Variants in GLIS3 observed in about 807,000 individuals in gnomAD.
GLIS3 encodes zinc finger protein GLIS3.
A neutral mutation model predicts 78.6 loss-of-function variants in GLIS3; 53 were observed. The ratio of observed to expected loss-of-function variants is 0.67; its 90% CI spans 0.54 to 0.85. The LOEUF (loss-of-function observed/expected upper bound fraction) is 0.85. Among genes scored for constraint, GLIS3 ranks in the 40% least tolerant of loss-of-function variants. GLIS3 has a pLI of 0.00. For missense variants in GLIS3, 1,703 were observed against 1,231.1 expected, an observed-to-expected ratio of 1.38 and a Z score of -5.74; for synonymous variants, 684 against 509.9, an observed-to-expected ratio of 1.34 and a Z score of -4.60.
intron 2 of GLIS3, among the ~76,000 whole-genome samples, chr9:4,156,626 A>G (rs911931504): frequency 6.6e-6 from 1 of 152,220 alleles, no homozygotes; most frequent in Non-Finnish European, 1.5e-5. Context: ...GGAAGATAAA[A>G]TATCTTCTTC....
upstream of GLIS3, among the ~76,000 whole-genome samples, chr9:4,353,012 G>A (rs910269907): frequency 2.0e-5 from 3 of 152,092 alleles, no homozygotes; most frequent in Non-Finnish European, 4.4e-5. Context: ...TGGCTCATTG[G>A]TTTGGTTAGG....
intron 4 of GLIS3, among the ~76,000 whole-genome samples, chr9:3,938,994 T>C (rs528659771): frequency 2.6e-5 from 4 of 152,326 alleles, no homozygotes; most frequent in Non-Finnish European, 4.4e-5. Context: ...GAGCTCAGTT[T>C]ATTTGACTTG....
chr9:4,222,592 T>A (rs1821425024), intron 2 of GLIS3, among the ~76,000 whole-genome samples: 1 of 152,232 alleles, frequency 6.6e-6, no homozygotes, highest in Non-Finnish European at 1.5e-5. Context: ...AGTCACAGTG[T>A]CATTATCTAA....
At chr9:4,370,595 G>C in the GLIS3 span, among the ~76,000 whole-genome samples, 3 of 152,064 alleles carry the variant, frequency 2.0e-5, no homozygotes, top group African/African-American at 7.2e-5. Flanking sequence ...CGTGTGGAAG[G>C]ACAGAAGAAC....
At chr9:3,996,551 A>G (rs942799211) in intron 4 of GLIS3, among the ~76,000 whole-genome samples, 11 of 152,232 alleles carry the variant, frequency 7.2e-5, no homozygotes, top group Admixed American at 2.0e-4. Flanking sequence ...GGATGCAGCT[A>G]AAGCAGTTTT....
intron 2 of GLIS3, among the ~76,000 whole-genome samples, chr9:4,281,663 T>C (rs1455492991): frequency 6.6e-6 from 1 of 152,246 alleles, no homozygotes; most frequent in Non-Finnish European, 1.5e-5. Flanking sequence ...ATATACCACA[T>C]TGGGTTGTTT....
At chr9:4,216,997 G>A (rs1289898036) in intron 2 of GLIS3, among the ~76,000 whole-genome samples, 2 of 152,186 alleles carry the variant, frequency 1.3e-5, no homozygotes, top group African/African-American at 4.8e-5. Context: ...CACATTAAAG[G>A]GATTCAGCTG....
chr9:4,256,967 T>C (rs891089920), intron 2 of GLIS3, among the ~76,000 whole-genome samples: 8 of 152,194 alleles, frequency 5.3e-5, no homozygotes, highest in African/African-American at 1.9e-4. Context: ...AACAGATGAA[T>C]GGACAAAGAA....
chr9:3,896,922 C>T (rs1298807476), intron 7 of GLIS3, among the ~76,000 whole-genome samples: 2 of 151,836 alleles, frequency 1.3e-5, no homozygotes, highest in South Asian at 2.1e-4. Context: ...TTTTGAGGAC[C>T]GAATATAGAA....
At chr9:3,914,924 G>A (rs1473015080) in intron 6 of GLIS3, among the ~76,000 whole-genome samples, 3 of 152,050 alleles carry the variant, frequency 2.0e-5, no homozygotes, top group Admixed American at 6.6e-5. Flanking sequence ...GAGCTTGCCC[G>A]TGGTGTTATT....
chr9:4,168,025 A>C (rs892260571), intron 2 of GLIS3, among the ~76,000 whole-genome samples: 4 of 152,190 alleles, frequency 2.6e-5, no homozygotes, highest in Non-Finnish European at 5.9e-5. Flanking sequence ...CTTTAGTTGG[A>C]GTCTGTTCCT....
rs959331984 is a variant in GLIS3, at chr9:3,935,094, T to C, written c.1872+1934A>G. Among the ~76,000 whole-genome samples the C allele has an allele frequency of 4.6e-5, 7 of 152,330 alleles. No homozygotes were observed. In the South Asian group the frequency reaches 8.3e-4, roughly 18 times the overall value. ...AGGAATCCACTTAGTTGAAGAAAGATACTTTATCCAAAATTCTGACAGTAT... is the reference window on the plus strand; with the variant it reads ...AGGAATCCACTTAGTTGAAGAAAGACACTTTATCCAAAATTCTGACAGTAT... On this transcript the variant is annotated intron_variant, in intron 5 of 10. Transcript: ENST00000381971.
rs1263361598 is a variant in GLIS3 at position 4,261,866 on chromosome 9, CTTT to C, written c.388+24169_388+24171del. ...TCTTGCTATGAACAGATATGGACTT[CTTT>C]GAGTTTTTAAGAGCCAATTATAGCA... On this transcript the variant is annotated intron_variant, in intron 2 of 10. Transcript: ENST00000381971. Among the ~76,000 whole-genome samples, 4 of 152,130 alleles carry C rather than the reference CTTT, an allele frequency of 2.6e-5. No individual in the cohort carries two copies. The South Asian group carries it at 6.2e-4, about 24-fold the overall frequency.
the GLIS3 span, among the ~76,000 whole-genome samples, chr9:4,441,763 A>C: frequency 2.0e-5 from 3 of 151,930 alleles, no homozygotes; most frequent in African/African-American, 7.3e-5. Context: ...CTCACCATCA[A>C]ACCCAGCTCA....
chr9:4,374,792 G>A, the GLIS3 span, among the ~76,000 whole-genome samples: 8 of 152,224 alleles, frequency 5.3e-5, no homozygotes, highest in African/African-American at 9.6e-5. Context: ...AGCTACACTC[G>A]GAGAGAACCA....
the GLIS3 span, among the ~76,000 whole-genome samples, chr9:4,454,639 G>T: frequency 6.6e-6 from 1 of 152,084 alleles, no homozygotes; most frequent in Non-Finnish European, 1.5e-5. Context: ...TCTTATTTCA[G>T]TAAATGCATC....
At chr9:4,265,647 C>A (rs1165310783) in intron 2 of GLIS3, among the ~76,000 whole-genome samples, 1 of 152,116 alleles carries the variant, frequency 6.6e-6, no homozygotes, top group Non-Finnish European at 1.5e-5. Flanking sequence ...ACTCTTTTAT[C>A]CAAATATAGT....
chr9:4,298,374 C>T (rs551119351), intron 1 of GLIS3: 3 of 456,176 alleles, frequency 6.6e-6, no homozygotes, highest in East Asian at 1.4e-4. Flanking sequence ...AAGTTTCTCC[C>T]GCCAGGTACC....
At chr9:3,873,306 G>A (rs1196557408) in intron 8 of GLIS3, among the ~76,000 whole-genome samples, 2 of 151,990 alleles carry the variant, frequency 1.3e-5, no homozygotes, top group South Asian at 2.1e-4. Context: ...TAAAACTGCA[G>A]GCCAATATCC....
Sources: gnomAD v4.1 joint callset for allele counts (sites outside exome capture counted in the v4.1 genomes callset) on GRCh38, gnomAD v4.1.1 for gene constraint, MANE v1.5 for transcripts, NCBI Gene and HGNC (gene_info 2026-07-23, HGNC 2026-07-21) for gene names.